FAM118A: variants seen among roughly 807,000 people sequenced by gnomAD.
FAM118A encodes SIR2 antiphage like 2.
In FAM118A, 25 loss-of-function variants were observed where a neutral mutation model predicts 38.2. The observed-to-expected ratio is 0.65, with a 90% CI of 0.48 to 0.91. The LOEUF (loss-of-function observed/expected upper bound fraction) is 0.91. FAM118A is among the 40% of genes least tolerant of loss of function. FAM118A has a pLI of 0.00. For synonymous variants in FAM118A, 178 were observed against 184.1 expected, an observed-to-expected ratio of 0.97 and a Z score of 0.27; for missense variants, 425 against 463.3, an observed-to-expected ratio of 0.92 and a Z score of 0.76.
Position 45,340,590 on chromosome 22 carries a change from A to G in FAM118A, c.*185A>G. The G allele has an allele frequency of 3.0e-6, 2 of 665,556 alleles. No homozygotes were observed. Among genetic ancestry groups the G allele is most frequent in the Non-Finnish European group, 5.3e-6 (2 of 376,644 alleles). The allele number at this position is 665,556 out of a possible 1,614,324, so 41.2% of individuals were successfully genotyped here. ...AGAGGGCTCCCCTGTGTGTTGAACT[A>G]TGCAGGAGGGTGACGCGGACACATT... is the stretch of plus-strand genomic sequence containing the variant. On this transcript the variant is annotated 3_prime_UTR_variant, in exon 9 of 9. Transcript: ENST00000441876.
intron 1 of FAM118A, among the ~76,000 whole-genome samples, chr22:45,314,768 A>T (rs1384446387): frequency 1.3e-5 from 2 of 152,192 alleles, no homozygotes; most frequent in African/African-American, 4.8e-5. Flanking sequence ...TAACACGTTT[A>T]TTTGAGTTAA....
In FAM118A at chr22:45,332,421, C is replaced by G; in HGVS notation, c.652-4C>G. ...CACTCAATTTCTTCATTGGCCTTTT[C>G]TAGGAAGTCCTCCAGAACTTATACC... On this transcript the variant is annotated splice_polypyrimidine_tract_variant and splice_region_variant and intron_variant, in intron 5 of 8. Transcript: ENST00000441876. 6.2e-7 allele frequency: 1 copy of G among 1,605,598 alleles called. No individual in the cohort carries two copies. Among genetic ancestry groups the G allele is most frequent in the Non-Finnish European group, 8.5e-7 (1 of 1,176,376 alleles).
At chr22:45,340,235 C>A in intron 8 of FAM118A, 151 bp from the exon 9 acceptor site, 1 of 772,328 alleles carries the variant, frequency 1.3e-6, no homozygotes, top group Non-Finnish European at 2.2e-6. Flanking sequence ...CATTTCCAGA[C>A]AGTGGCTACT....
At chr22:45,317,472 A>G (rs1251729590) in intron 1 of FAM118A, among the ~76,000 whole-genome samples, 2 of 152,214 alleles carry the variant, frequency 1.3e-5, no homozygotes, top group Non-Finnish European at 2.9e-5. Flanking sequence ...TTAAGTGAAC[A>G]TATAGCTTGT....
Sources: gnomAD v4.1 joint callset for allele counts (sites outside exome capture counted in the v4.1 genomes callset) on GRCh38, gnomAD v4.1.1 for gene constraint, MANE v1.5 for transcripts, NCBI Gene and HGNC (gene_info 2026-07-23, HGNC 2026-07-21) for gene names.